PAX7: variants seen among roughly 807,000 people sequenced by gnomAD.
PAX7 encodes the protein paired box protein Pax-7.
PAX7 carries 18 observed loss-of-function variants against 50.7 expected under a neutral mutation model. That is an observed-to-expected ratio of 0.36 (90% CI 0.25 to 0.53). The LOEUF (loss-of-function observed/expected upper bound fraction) is 0.53, where lower values mean the gene tolerates loss of function less well. Ranked by LOEUF, PAX7 falls within the 20% of genes least tolerant of loss-of-function variation. PAX7 has a pLI of 0.93. For synonymous variants in PAX7, 310 were observed against 290.4 expected (o/e 1.07, Z -0.69); for missense variants, 644 against 702.9 (o/e 0.92, Z 0.95).
intron 7 of PAX7, among the ~76,000 whole-genome samples, chr1:18,706,007 T>C (rs907440265): frequency 1.8e-4 from 27 of 152,072 alleles, no homozygotes; most frequent in Non-Finnish European, 3.2e-4. Context: ...TGTGCTTCTG[T>C]GCATGTAAAC....
At chr1:18,664,885 C>T (rs764562807) in intron 4 of PAX7, among the ~76,000 whole-genome samples, 10 of 152,298 alleles carry the variant, frequency 6.6e-5, no homozygotes, top group Admixed American at 1.3e-4. Context: ...TTCCAGGGAG[C>T]GTGCTTCTTG....
At chr1:18,717,196 GCTGCCCGGGCCTGGGA>G (rs1387638187) in intron 7 of PAX7, among the ~76,000 whole-genome samples, 1 of 152,110 alleles carries the variant, frequency 6.6e-6, no homozygotes, top group Non-Finnish European at 1.5e-5. Context: ...CTTAATTCCC[GCTGCCCGGGCCTGGGA>G]TCCCGAGCAG....
intron 7 of PAX7, among the ~76,000 whole-genome samples, chr1:18,721,131 G>C (rs2089487310): frequency 1.3e-5 from 2 of 152,090 alleles, no homozygotes; most frequent in Non-Finnish European, 2.9e-5. Flanking sequence ...TCCCAGTCCA[G>C]GTGTCTGTGG....
intron 7 of PAX7, among the ~76,000 whole-genome samples, chr1:18,723,246 G>A (rs1051030927): frequency 2.6e-5 from 4 of 152,166 alleles, no homozygotes; most frequent in Non-Finnish European, 5.9e-5. Flanking sequence ...TTCCCCCCGA[G>A]GCCCTGGGGG....
intron 4 of PAX7, among the ~76,000 whole-genome samples, chr1:18,659,983 C>T (rs948252685): frequency 3.3e-5 from 5 of 152,212 alleles, no homozygotes; most frequent in East Asian, 3.9e-4. Flanking sequence ...CCTTACCCTT[C>T]GGCATCTGCC....
Position 18,632,626 on chromosome 1 carries a change from A to C in PAX7, c.85+938A>C, listed in dbSNP as rs2088072619. 6.7e-6 allele frequency among the ~76,000 whole-genome samples: 1 copy of C among 148,644 alleles called. No homozygotes were observed. ...TAGCCTAGGGTGTCACAGAGAAGTC[A>C]TTAGAAATATGTGCGACTTTTTTTT... On this transcript the variant is annotated intron_variant, in intron 1 of 8. Coordinates refer to ENST00000420770, the MANE Select transcript of PAX7 (RefSeq NM_001135254.2). The surrounding 1 kb of genome is among the most constrained non-coding windows in gnomAD (Gnocchi z 6.3).
intron 4 of PAX7, among the ~76,000 whole-genome samples, chr1:18,683,618 T>A (rs997085390): frequency 3.3e-5 from 5 of 152,136 alleles, no homozygotes; most frequent in African/African-American, 1.2e-4. Context: ...GGCGGATGGA[T>A]CATCTGAGGT....
At position 18,747,551 on chromosome 1, in the gene PAX7, C is replaced by T. The variant is rs1018409572; in HGVS notation, c.*2622C>T. ...CAGAGAGGTGATGTTGAATGAGAGA[C>T]ACAAGGCCTCCATCTCTTTGGGGCT... On this transcript the variant is annotated 3_prime_UTR_variant, in exon 9 of 9. Transcript: ENST00000420770. 4.7e-6 allele frequency: 1 copy of T among 213,178 alleles called. No homozygotes were observed. The highest frequency in any genetic ancestry group is 2.3e-5 in the African/African-American group (1 of 44,196). 13.2% of individuals were successfully genotyped at this position (213,178 alleles called of 1,614,324 possible). A position where few individuals can be genotyped will look rare whatever the true frequency, so the allele number is the denominator to read the frequency against.
chr1:18,662,009 T>C (rs533140617), intron 4 of PAX7, among the ~76,000 whole-genome samples: 1 of 152,012 alleles, frequency 6.6e-6, no homozygotes, highest in African/African-American at 2.4e-5. Flanking sequence ...AGAGTGGCTT[T>C]GTTTATTTTG....
intron 4 of PAX7, among the ~76,000 whole-genome samples, chr1:18,679,426 C>T (rs556723090): frequency 4.6e-5 from 7 of 152,300 alleles, no homozygotes; most frequent in African/African-American, 7.2e-5. Flanking sequence ...TTGTGGGGCG[C>T]GGATGGGTGG....
chr1:18,726,139 AGT>A lies in PAX7; in HGVS notation c.1156-9489_1156-9488del, dbSNP rs1456977323. On this transcript the variant is annotated intron_variant, in intron 7 of 8. Transcript: ENST00000420770. The surrounding 1 kb of genome is among the most constrained non-coding windows in gnomAD (Gnocchi z 4.8). ...CATCTTATAAAACAGACATTGGAAG[AGT>A]GTGAGTGTGTGTGTGTGTGTGTGTG... is the stretch of plus-strand genomic sequence containing the variant. Among the ~76,000 whole-genome samples the A allele has an allele frequency of 1.0e-5, 1 of 97,076 alleles. No individual in the cohort carries two copies. Among genetic ancestry groups the A allele is most frequent in the Non-Finnish European group, 2.0e-5 (1 of 49,122 alleles). 63.7% of individuals were successfully genotyped at this position (97,076 alleles called of 152,430 possible). A position where few individuals can be genotyped will look rare whatever the true frequency, so the allele number is the denominator to read the frequency against.
At chr1:18,717,339 G>C (rs551218461) in intron 7 of PAX7, among the ~76,000 whole-genome samples, 1 of 152,336 alleles carries the variant, frequency 6.6e-6, no homozygotes, top group South Asian at 2.1e-4. Flanking sequence ...CAGCCGGTAA[G>C]CAAGACCCTT....
rs1288009468 is a variant in PAX7, at chr1:18,725,993, T to TGTGCGCGC, written c.1156-9638_1156-9637insTGCGCGCG. ...GACATTGGAAGAGTGTGTGTGTGTG[T>TGTGCGCGC]GCGCGCGCGCGCGTGCGCGCGTGTG... On this transcript the variant is annotated intron_variant, in intron 7 of 8. Transcript: ENST00000420770. Among the ~76,000 whole-genome samples, 42 of 148,636 alleles carry TGTGCGCGC rather than the reference T, an allele frequency of 2.8e-4. No individual in the cohort carries two copies. The East Asian group carries it at 7.7e-3, about 27-fold the overall frequency.
At chr1:18,641,965 A>G (rs1483248287) in intron 4 of PAX7, among the ~76,000 whole-genome samples, 1 of 104,822 alleles carries the variant, frequency 9.5e-6, no homozygotes. Flanking sequence ...CCCCCCCCCA[A>G]CTCCCGCGGC....
At chr1:18,685,067 A>G (rs1471685248) in intron 4 of PAX7, among the ~76,000 whole-genome samples, 1 of 152,160 alleles carries the variant, frequency 6.6e-6, no homozygotes, top group East Asian at 1.9e-4. Flanking sequence ...GGTTTTCAGG[A>G]CCAGAAATGG....
intron 4 of PAX7, among the ~76,000 whole-genome samples, chr1:18,640,772 G>T (rs1251771813): frequency 6.6e-6 from 1 of 151,648 alleles, no homozygotes; most frequent in Admixed American, 6.6e-5. Flanking sequence ...TTTAGGCAGC[G>T]CTCGGCGGTG....
intron 4 of PAX7, among the ~76,000 whole-genome samples, chr1:18,654,341 C>T (rs1209168443): frequency 6.6e-6 from 1 of 152,232 alleles, no homozygotes; most frequent in Non-Finnish European, 1.5e-5. Context: ...GGAGGGGTGT[C>T]CCCTCTCAGG....
chr1:18,703,358 A>G lies in PAX7; in HGVS notation c.1155+62A>G, dbSNP rs933003689. The G allele has an allele frequency of 2.1e-6, 3 of 1,455,282 alleles. No homozygotes were observed. The Admixed American group carries it at 5.0e-5, about 24-fold the overall frequency. The allele number at this position is 1,455,282 out of a possible 1,614,324, so 90.1% of individuals were successfully genotyped here. On this transcript the variant is annotated intron_variant, in intron 7 of 8. Coordinates refer to ENST00000420770, the MANE Select transcript of PAX7 (RefSeq NM_001135254.2). ...CCACGAAAGTCAGACATCTGCAGAC[A>G]GCACGTGGGTGGAAGCCTTGCGCTC...
At chr1:18,691,710 C>A in intron 4 of PAX7, 44 bp from the exon 5 acceptor site, 1 of 1,531,776 alleles carries the variant, frequency 6.5e-7, no homozygotes, top group Non-Finnish European at 8.8e-7. Flanking sequence ...ACCCTTCCAT[C>A]TCTCTAAGCC....
Sources: gnomAD v4.1 joint callset for allele counts (sites outside exome capture counted in the v4.1 genomes callset) on GRCh38, gnomAD v4.1.1 for gene constraint, Gnocchi (gnomAD v3.1) non-coding constraint, MANE v1.5 for transcripts, NCBI Gene and HGNC (gene_info 2026-07-23, HGNC 2026-07-21) for gene names.